The following NDUFAF2 variants were observed in gnomAD, a reference collection of about 807,000 sequenced individuals.
NDUFAF2 encodes NADH:ubiquinone oxidoreductase complex assembly factor 2.
A neutral mutation model predicts 22.8 loss-of-function variants in NDUFAF2; 13 were observed. That is an observed-to-expected ratio of 0.57 (90% CI 0.37 to 0.91). NDUFAF2 has a LOEUF of 0.91. Ranked by LOEUF, NDUFAF2 falls within the 40% of genes least tolerant of loss-of-function variation. The probability of loss-of-function intolerance (pLI) is 0.01; values close to 1 mark genes in which losing one functional copy is unlikely to be tolerated. For missense variants in NDUFAF2, 162 were observed against 195.2 expected (o/e 0.83, Z 1.01); for synonymous variants, 53 against 64.2 (o/e 0.83, Z 0.84).
At chr5:61,049,680 G>A (rs1751998164) in intron 1 of NDUFAF2, among the ~76,000 whole-genome samples, 1 of 151,928 alleles carries the variant, frequency 6.6e-6, no homozygotes, top group Non-Finnish European at 1.5e-5. Flanking sequence ...TAGAAACATA[G>A]TATTTGTCTT....
chr5:60,976,715 G>A (rs2650517), intron 1 of NDUFAF2, among the ~76,000 whole-genome samples: 86,711 of 151,992 alleles, frequency 0.57, 26,021 homozygotes, highest in East Asian at 0.94. Flanking sequence ...TTTTTAGTAT[G>A]TATTTTCTGA....
At chr5:60,974,345 A>G (rs1427300844) in intron 1 of NDUFAF2, among the ~76,000 whole-genome samples, 1 of 152,162 alleles carries the variant, frequency 6.6e-6, no homozygotes, top group African/African-American at 2.4e-5. Flanking sequence ...TTTGCCACAG[A>G]CTGAAGGCTA....
chr5:60,953,839 G>A (rs1486099417), intron 1 of NDUFAF2, among the ~76,000 whole-genome samples: 1 of 152,080 alleles, frequency 6.6e-6, no homozygotes, highest in Non-Finnish European at 1.5e-5. Flanking sequence ...TGATTACATT[G>A]AATAACAGTG....
chr5:61,094,385 C>T (rs1263669152), intron 2 of NDUFAF2, among the ~76,000 whole-genome samples: 1 of 152,220 alleles, frequency 6.6e-6, no homozygotes, highest in Non-Finnish European at 1.5e-5. Context: ...TCAGCCTCTG[C>T]AATGTTGTAT....
intron 1 of NDUFAF2, among the ~76,000 whole-genome samples, chr5:61,041,490 G>C (rs1751881989): frequency 6.6e-6 from 1 of 152,026 alleles, no homozygotes; most frequent in African/African-American, 2.4e-5. Flanking sequence ...GGCTAAGAGA[G>C]ACTTAGTCTT....
chr5:60,945,412 TGGTCAGTGATTGCGA>T (rs773692532), intron 1 of NDUFAF2, 30 bp downstream of exon 1: 19 of 1,614,134 alleles, frequency 1.2e-5, no homozygotes, highest in East Asian at 2.2e-5. Context: ...AGCGATTGCG[TGGTCAGTGATTGCGA>T]GGTCAGTAAA....
intron 3 of NDUFAF2, among the ~76,000 whole-genome samples, chr5:61,131,549 TG>T (rs1234431316): frequency 6.6e-6 from 1 of 152,156 alleles, no homozygotes; most frequent in African/African-American, 2.4e-5. Context: ...ACAAGAATGT[TG>T]TTTGTAGTAT....
intron 3 of NDUFAF2, among the ~76,000 whole-genome samples, chr5:61,128,275 T>C (rs1026505957): frequency 6.7e-6 from 1 of 149,712 alleles, no homozygotes; most frequent in African/African-American, 2.5e-5. Context: ...AATGACTTTC[T>C]TCACAGAATT....
At chr5:60,951,885 A>G (rs1232059370) in intron 1 of NDUFAF2, among the ~76,000 whole-genome samples, 1 of 151,918 alleles carries the variant, frequency 6.6e-6, no homozygotes, top group Non-Finnish European at 1.5e-5. Flanking sequence ...TTAACCTACA[A>G]ATTTAATATC....
At chr5:61,095,076 G>A (rs375505285) in intron 2 of NDUFAF2, among the ~76,000 whole-genome samples, 11 of 152,012 alleles carry the variant, frequency 7.2e-5, no homozygotes, top group African/African-American at 2.4e-4. Context: ...CTATGTCACC[G>A]AAACAGCAAA....
chr5:60,996,717 A>C (rs1751233365), intron 1 of NDUFAF2, among the ~76,000 whole-genome samples: 1 of 152,128 alleles, frequency 6.6e-6, no homozygotes, highest in African/African-American at 2.4e-5. Flanking sequence ...AACTGCTGGG[A>C]TTAGTGATTC....
intron 3 of NDUFAF2, among the ~76,000 whole-genome samples, chr5:61,146,541 A>G (rs1741141017): frequency 6.6e-6 from 1 of 152,132 alleles, no homozygotes; most frequent in African/African-American, 2.4e-5. Context: ...TGGATATAGG[A>G]TTCTAAGTTG....
chr5:61,063,863 A>C (rs1448418551), intron 1 of NDUFAF2, among the ~76,000 whole-genome samples: 1 of 152,088 alleles, frequency 6.6e-6, no homozygotes, highest in Non-Finnish European at 1.5e-5. Flanking sequence ...CAAATAGCAA[A>C]ATGACAGTAG....
At chr5:61,093,544 A>C (rs1358227912) in intron 2 of NDUFAF2, among the ~76,000 whole-genome samples, 1 of 152,172 alleles carries the variant, frequency 6.6e-6, no homozygotes, top group Non-Finnish European at 1.5e-5. Flanking sequence ...AGTTCTGTTT[A>C]TGTGATGAAT....
chr5:61,104,411 A>G (rs1254107437), intron 3 of NDUFAF2, among the ~76,000 whole-genome samples: 1 of 152,102 alleles, frequency 6.6e-6, no homozygotes, highest in Non-Finnish European at 1.5e-5. Context: ...CAGGCAGTAG[A>G]AAAAAGTTAC....
At chr5:61,040,322 G>A (rs1044405863) in intron 1 of NDUFAF2, among the ~76,000 whole-genome samples, 3 of 150,306 alleles carry the variant, frequency 2.0e-5, no homozygotes, top group Admixed American at 6.6e-5. Flanking sequence ...AGCAGAGATT[G>A]GAGTAATGCA....
intron 1 of NDUFAF2, among the ~76,000 whole-genome samples, chr5:60,991,250 A>G (rs1334818661): frequency 6.6e-6 from 1 of 152,170 alleles, no homozygotes; most frequent in Admixed American, 6.5e-5. Flanking sequence ...GTATACAGGC[A>G]TGCAATGTGA....
At chr5:61,135,940 A>G (rs1740922629) in intron 3 of NDUFAF2, among the ~76,000 whole-genome samples, 1 of 145,670 alleles carries the variant, frequency 6.9e-6, no homozygotes, top group Non-Finnish European at 1.5e-5. Flanking sequence ...ATCTTCCACT[A>G]TCCCCATTTA....
intron 2 of NDUFAF2, among the ~76,000 whole-genome samples, chr5:61,095,685 G>T (rs1333858879): frequency 6.6e-6 from 1 of 152,318 alleles, no homozygotes; most frequent in East Asian, 1.9e-4. Context: ...GGCCCTGGTG[G>T]AGTGGGTTTA....
Sources: gnomAD v4.1 joint callset for allele counts (sites outside exome capture counted in the v4.1 genomes callset) on GRCh38, gnomAD v4.1.1 for gene constraint, MANE v1.5 for transcripts, NCBI Gene and HGNC (gene_info 2026-07-23, HGNC 2026-07-21) for gene names.